The following LPP variants were observed in gnomAD, a reference collection of about 807,000 sequenced individuals.
LPP encodes the protein LIM domain containing preferred translocation partner in lipoma.
Under a neutral mutation model 60.4 loss-of-function variants are expected in LPP, and 38 were observed. That is an observed-to-expected ratio of 0.63 (90% CI 0.49 to 0.83). LPP has a LOEUF of 0.83. LPP is among the 40% of genes least tolerant of loss of function. The pLI is 0.00. For missense variants in LPP, 902 were observed against 783.6 expected, an observed-to-expected ratio of 1.15 and a Z score of -1.80; for synonymous variants, 328 against 290.8, an observed-to-expected ratio of 1.13 and a Z score of -1.30.
intron 1 of LPP, among the ~76,000 whole-genome samples, chr3:188,181,564 T>C (rs972892000): frequency 1.9e-4 from 29 of 152,230 alleles, no homozygotes; most frequent in Admixed American, 1.8e-3. Flanking sequence ...TTTCCGCTGC[T>C]GCTTCAAGAT....
chr3:188,173,198 C>T (rs1463762023), intron 1 of LPP, among the ~76,000 whole-genome samples: 3 of 152,072 alleles, frequency 2.0e-5, no homozygotes, highest in African/African-American at 4.8e-5. Context: ...AGAAGGATTC[C>T]TTATAGAAAA....
intron 3 of LPP, among the ~76,000 whole-genome samples, chr3:188,384,474 C>T (rs1777694149): frequency 6.6e-6 from 1 of 151,990 alleles, no homozygotes; most frequent in Admixed American, 6.6e-5. Flanking sequence ...AAACCATCTT[C>T]AGTTGTCTAG....
At chr3:188,496,686 T>C (rs1209093902) in intron 5 of LPP, among the ~76,000 whole-genome samples, 2 of 152,202 alleles carry the variant, frequency 1.3e-5, no homozygotes, top group Non-Finnish European at 2.9e-5. Context: ...TATTCATTTT[T>C]AGTGAAGGAA....
At chr3:188,672,417 G>T (rs1857129471) in intron 7 of LPP, among the ~76,000 whole-genome samples, 1 of 151,858 alleles carries the variant, frequency 6.6e-6, no homozygotes, top group African/African-American at 2.4e-5. Flanking sequence ...GCTTGGTTTT[G>T]TTTATGCAAC....
chr3:188,818,143 C>T (rs116116485), intron 9 of LPP, among the ~76,000 whole-genome samples: 1,532 of 152,096 alleles, frequency 0.01, 10 homozygotes, highest in Non-Finnish European at 0.017. Flanking sequence ...CAAATGACAC[C>T]CAGCAAGAAA....
intron 8 of LPP, among the ~76,000 whole-genome samples, chr3:188,742,455 G>T (rs572729472): frequency 2.0e-5 from 3 of 151,822 alleles, no homozygotes; most frequent in African/African-American, 7.3e-5. Context: ...ATGACTCATC[G>T]GTAATAAATA....
At chr3:188,735,043 C>A (rs1722010633) in intron 8 of LPP, among the ~76,000 whole-genome samples, 1 of 152,170 alleles carries the variant, frequency 6.6e-6, no homozygotes, top group Admixed American at 6.5e-5. Context: ...AAGCAGAATT[C>A]CTTTTTAACA....
intron 1 of LPP, among the ~76,000 whole-genome samples, chr3:188,186,071 G>A (rs747660221): frequency 7.8e-4 from 118 of 151,904 alleles, no homozygotes; most frequent in Non-Finnish European, 1.4e-3. Flanking sequence ...CTTGCCCGGA[G>A]CCATAGTTCT....
chr3:188,545,854 CAG>C (rs1233070913), intron 6 of LPP, among the ~76,000 whole-genome samples: 1 of 152,092 alleles, frequency 6.6e-6, no homozygotes, highest in African/African-American at 2.4e-5. Flanking sequence ...GGCTCAAAGA[CAG>C]GGGGTTAGTC....
intron 3 of LPP, among the ~76,000 whole-genome samples, chr3:188,380,732 G>C (rs936523480): frequency 1.3e-5 from 2 of 152,166 alleles, no homozygotes; most frequent in East Asian, 3.9e-4. Context: ...TTAATTGTGT[G>C]GAGGTGTATT....
At chr3:188,358,986 C>T (rs138728415) in intron 3 of LPP, among the ~76,000 whole-genome samples, 13 of 152,234 alleles carry the variant, frequency 8.5e-5, no homozygotes, top group Non-Finnish European at 1.5e-4. Context: ...GAGGAAGTCC[C>T]GTGAGACAGC....
chr3:188,406,286 A>G lies in LPP; in HGVS notation c.166A>G (p.Asn56Asp). The G allele has an allele frequency of 6.2e-7, 1 of 1,614,076 alleles. No homozygotes were observed. The highest frequency in any genetic ancestry group is 2.2e-5 in the East Asian group (1 of 44,874). The part of the protein sequence containing the change: ...APVVAPKPKY[N>D]PYKQPGGEGD... Reference sequence around the variant, plus strand: ...GGTAGTTGCTCCAAAACCTAAGTACAACCCATACAAACAACCTGGAGGTGA... The same window carrying G: ...GGTAGTTGCTCCAAAACCTAAGTACGACCCATACAAACAACCTGGAGGTGA... Residue 56 changes from asparagine (N) to aspartate (D), a missense_variant, in exon 4 of 12, where the codon AAC becomes GAC. By Grantham distance (23) the Asn-to-Asp change is conservative. Transcript: ENST00000617246.
chr3:188,837,641 G>C (rs1468725635), intron 9 of LPP, among the ~76,000 whole-genome samples: 1 of 151,998 alleles, frequency 6.6e-6, no homozygotes, highest in Non-Finnish European at 1.5e-5. Flanking sequence ...TTTCAAGTCT[G>C]ATGGTCAGTG....
chr3:188,750,041 C>T (rs1727568744), intron 8 of LPP, among the ~76,000 whole-genome samples: 2 of 152,120 alleles, frequency 1.3e-5, no homozygotes. Context: ...CACCAGCAGG[C>T]TTGGTTTTCT....
chr3:188,727,656 A>G (rs1420685498), intron 8 of LPP, among the ~76,000 whole-genome samples: 2 of 152,196 alleles, frequency 1.3e-5, no homozygotes, highest in Non-Finnish European at 2.9e-5. Context: ...AATGGGCCTC[A>G]TAATTGTTGA....
intron 1 of LPP, among the ~76,000 whole-genome samples, chr3:188,177,351 C>G (rs1340390847): frequency 6.6e-6 from 1 of 152,150 alleles, no homozygotes; most frequent in Non-Finnish European, 1.5e-5. Context: ...AGAATCTGTC[C>G]AGGGTGATGG....
chr3:188,746,359 CA>C (rs1460014486), intron 8 of LPP: 1 of 430,548 alleles, frequency 2.3e-6, no homozygotes, highest in East Asian at 6.1e-5. Context: ...GGCAGAAAAA[CA>C]CGCTGAATAG....
intron 3 of LPP, among the ~76,000 whole-genome samples, chr3:188,375,938 A>C (rs563445612): frequency 1.3e-5 from 2 of 152,058 alleles, no homozygotes; most frequent in Non-Finnish European, 2.9e-5. Context: ...GAACATCTTT[A>C]TTTCTGCCTT....
At chr3:188,762,522 T>C (rs1205963296) in intron 9 of LPP, among the ~76,000 whole-genome samples, 1 of 152,202 alleles carries the variant, frequency 6.6e-6, no homozygotes, top group Non-Finnish European at 1.5e-5. Context: ...CTTGCTTTTC[T>C]GAGTGCGTAA....
Sources: allele counts gnomAD v4.1 joint callset (sites outside exome capture counted in the v4.1 genomes callset), GRCh38; gene constraint gnomAD v4.1.1; transcripts MANE v1.5; gene names NCBI Gene and HGNC (gene_info 2026-07-23, HGNC 2026-07-21).